PRKN: variants seen among roughly 807,000 people sequenced by gnomAD.
The protein encoded by PRKN is E3 ubiquitin-protein ligase parkin.
Under a neutral mutation model 59.5 loss-of-function variants are expected in PRKN, and 56 were observed. The ratio of observed to expected loss-of-function variants is 0.94; its 90% CI spans 0.76 to 1.18. PRKN has a LOEUF of 1.18. Among genes scored for constraint, PRKN ranks in the 50% most tolerant of loss-of-function variants. The probability of loss-of-function intolerance (pLI) is 0.00; values close to 1 mark genes in which losing one functional copy is unlikely to be tolerated. For synonymous variants in PRKN, 250 were observed against 222.1 expected (o/e 1.13, Z -1.12); for missense variants, 657 against 596.4 (o/e 1.10, Z -1.06).
At chr6:161,814,714 CTGGT>C (rs1791699096) in intron 6 of PRKN, among the ~76,000 whole-genome samples, 1 of 152,178 alleles carries the variant, frequency 6.6e-6, no homozygotes, top group East Asian at 1.9e-4. Flanking sequence ...GTTGGTCAGG[CTGGT>C]CTCGAACTCC....
intron 1 of PRKN, among the ~76,000 whole-genome samples, chr6:162,669,545 G>C (rs775166047): frequency 2.6e-5 from 4 of 152,124 alleles, no homozygotes; most frequent in Non-Finnish European, 4.4e-5. Flanking sequence ...CTCTTTGCCA[G>C]TCTATGCCAT....
intron 7 of PRKN, among the ~76,000 whole-genome samples, chr6:161,573,795 T>TATATATATATAAAA (rs1562535146): frequency 1.0e-5 from 1 of 98,630 alleles, no homozygotes; most frequent in African/African-American, 3.9e-5. Context: ...TATATATATA[T>TATATATATATAAAA]AAAACTTCAT....
rs1789149136 is a variant in PRKN, at chr6:161,440,353, A to G, written c.1084-53476T>C. Among the ~76,000 whole-genome samples, 1 of 152,180 alleles carries G rather than the reference A, an allele frequency of 6.6e-6. No individual in the cohort carries two copies. Among genetic ancestry groups the G allele is most frequent in the Non-Finnish European group, 1.5e-5 (1 of 68,032 alleles). ...ACACTACAGAGTGCCACTGGTGTCTAGCAGACAGAGGCCAGAGACTCTGCT... is the reference window on the plus strand; with the variant it reads ...ACACTACAGAGTGCCACTGGTGTCTGGCAGACAGAGGCCAGAGACTCTGCT... On this transcript the variant is annotated intron_variant, in intron 9 of 11. Coordinates refer to ENST00000366898, the MANE Select transcript of PRKN (RefSeq NM_004562.3). The surrounding 1 kb of genome is among the most constrained non-coding windows in gnomAD (Gnocchi z 4.1).
chr6:162,484,926 G>A (rs1472475894), intron 1 of PRKN, among the ~76,000 whole-genome samples: 2 of 152,088 alleles, frequency 1.3e-5, no homozygotes, highest in South Asian at 4.1e-4. Context: ...TTTCCCTAGA[G>A]GAACTCTAAA....
intron 2 of PRKN, among the ~76,000 whole-genome samples, chr6:162,263,091 TC>T (rs774893061): frequency 7.2e-5 from 11 of 151,964 alleles, no homozygotes; most frequent in Admixed American, 4.6e-4. Context: ...ATTCCTTTTT[TC>T]CCCCCAAGAC....
intron 9 of PRKN, among the ~76,000 whole-genome samples, chr6:161,510,000 A>G (rs1212925862): frequency 6.6e-6 from 1 of 152,128 alleles, no homozygotes; most frequent in Non-Finnish European, 1.5e-5. Flanking sequence ...AGGTGCAAGC[A>G]AGGTTTTGCC....
At chr6:162,430,402 G>A (rs1789461234) in intron 2 of PRKN, among the ~76,000 whole-genome samples, 1 of 152,118 alleles carries the variant, frequency 6.6e-6, no homozygotes, top group Admixed American at 6.5e-5. Flanking sequence ...TCCAACCCAT[G>A]TGGCCCACCT....
chr6:161,550,162 G>A lies in PRKN; in HGVS notation c.934-1159C>T, dbSNP rs1288582104. Among the ~76,000 whole-genome samples, 1 of 152,230 alleles carries A rather than the reference G, an allele frequency of 6.6e-6. No homozygotes were observed. Among genetic ancestry groups the A allele is most frequent in the Non-Finnish European group, 1.5e-5 (1 of 68,046 alleles). ...GGCCAGAGCCCCAGTGTGCTGATGTGGTTGGCTGTTCAGGGTACAACAAGG... is the reference window on the plus strand; with the variant it reads ...GGCCAGAGCCCCAGTGTGCTGATGTAGTTGGCTGTTCAGGGTACAACAAGG... On this transcript the variant is annotated intron_variant, in intron 8 of 11. Transcript: ENST00000366898. This position sits in a 1 kb window ranked among gnomAD's most constrained non-coding sequence, Gnocchi z 4.0.
Position 161,355,711 on chromosome 6 carries a change from G to A in PRKN, c.1285+4377C>T, listed in dbSNP as rs1784722504. ...GTGAGTCACCACGCCCGGCCTACAA[G>A]CTAAGTTTTAATTCAGCAAATATTT... On this transcript the variant is annotated intron_variant, in intron 11 of 11. Transcript: ENST00000366898. The surrounding 1 kb of genome is among the most constrained non-coding windows in gnomAD (Gnocchi z 6.8). Among the ~76,000 whole-genome samples, 2 of 152,122 alleles carry A rather than the reference G, an allele frequency of 1.3e-5. No homozygotes were observed. Among genetic ancestry groups the A allele is most frequent in the South Asian group, 4.1e-4 (2 of 4,832 alleles).
intron 1 of PRKN, among the ~76,000 whole-genome samples, chr6:162,683,941 C>T (rs1255407092): frequency 1.3e-5 from 2 of 152,062 alleles, no homozygotes; most frequent in Non-Finnish European, 2.9e-5. Context: ...AAAACGTACA[C>T]CTTTCTTTAT....
intron 1 of PRKN, among the ~76,000 whole-genome samples, chr6:162,626,150 G>A (rs995809920): frequency 6.6e-6 from 1 of 152,138 alleles, no homozygotes; most frequent in Admixed American, 6.5e-5. Flanking sequence ...ATTGATTAGT[G>A]CAATATTTCT....
rs531232271 is a variant in PRKN, at chr6:162,146,785, G to A, written c.534+54346C>T. 3.3e-5 allele frequency among the ~76,000 whole-genome samples: 5 copies of A among 149,980 alleles called. No individual in the cohort carries two copies. The South Asian group carries it at 6.4e-4, about 19-fold the overall frequency. ...CTCCCAAAGTGCTGGGGTTACAGGT[G>A]TGCCACCACACCTGGCCTACATTCT... On this transcript the variant is annotated intron_variant, in intron 4 of 11. Transcript: ENST00000366898.
At chr6:161,833,038 C>T (rs1432280886) in intron 6 of PRKN, among the ~76,000 whole-genome samples, 1 of 152,138 alleles carries the variant, frequency 6.6e-6, no homozygotes. Flanking sequence ...TCATGAGACA[C>T]ACATACTTGC....
rs540801260 is a variant in PRKN, at chr6:161,737,405, G to A, written c.871+48367C>T. Reference sequence around the variant, plus strand: ...AGAGCAGAGGCAGGGATGGAGAGGGGAGAACAATCTGAAAACTATCTAAGG... The same window carrying A: ...AGAGCAGAGGCAGGGATGGAGAGGGAAGAACAATCTGAAAACTATCTAAGG... On this transcript the variant is annotated intron_variant, in intron 7 of 11. Coordinates refer to ENST00000366898, the MANE Select transcript of PRKN (RefSeq NM_004562.3). 8.5e-5 allele frequency among the ~76,000 whole-genome samples: 13 copies of A among 152,318 alleles called. No homozygotes were observed. In the South Asian group the frequency reaches 2.7e-3, roughly 32 times the overall value.
At chr6:162,100,612 T>C (rs1394672178) in intron 4 of PRKN, among the ~76,000 whole-genome samples, 1 of 152,076 alleles carries the variant, frequency 6.6e-6, no homozygotes, top group East Asian at 1.9e-4. Flanking sequence ...TAGATAACTT[T>C]TGTATTTTTA....
intron 1 of PRKN, among the ~76,000 whole-genome samples, chr6:162,574,890 T>C (rs979155470): frequency 3.3e-5 from 5 of 151,202 alleles, no homozygotes; most frequent in African/African-American, 9.7e-5. Context: ...ACACTAGTTG[T>C]TCTGAGTGGA....
intron 1 of PRKN, among the ~76,000 whole-genome samples, chr6:162,543,768 T>C (rs1327075591): frequency 6.6e-6 from 1 of 152,110 alleles, no homozygotes; most frequent in Non-Finnish European, 1.5e-5. Context: ...TTCATCATCT[T>C]AACTCCTGCC....
intron 7 of PRKN, among the ~76,000 whole-genome samples, chr6:161,656,860 G>A (rs1784368511): frequency 6.6e-6 from 1 of 152,166 alleles, no homozygotes; most frequent in Non-Finnish European, 1.5e-5. Flanking sequence ...TCACCAGACA[G>A]GTGACGTGAT....
chr6:162,434,744 C>T (rs1789692446), intron 2 of PRKN, among the ~76,000 whole-genome samples: 1 of 152,012 alleles, frequency 6.6e-6, no homozygotes, highest in Admixed American at 6.5e-5. Flanking sequence ...ATGACCCAAG[C>T]CCATATATAA....
Sources: gnomAD v4.1 joint callset for allele counts (sites outside exome capture counted in the v4.1 genomes callset) on GRCh38, gnomAD v4.1.1 for gene constraint, Gnocchi (gnomAD v3.1) non-coding constraint, MANE v1.5 for transcripts, NCBI Gene and HGNC (gene_info 2026-07-23, HGNC 2026-07-21) for gene names.